XIRP1: variants seen among roughly 807,000 people sequenced by gnomAD.
The protein encoded by XIRP1 is xin actin binding repeat containing 1.
For synonymous variants in XIRP1, 984 were observed against 947.0 expected (o/e 1.04, Z -0.72); for missense variants, 2,378 against 2,345.4 (o/e 1.01, Z -0.29).
At position 39,187,493 on chromosome 3, in the gene XIRP1, G is replaced by T. The variant is rs202160993; in HGVS notation, c.1953C>A (p.Val651=). 6.2e-7 allele frequency: 1 copy of T among 1,613,998 alleles called. No individual in the cohort carries two copies. Among genetic ancestry groups the T allele is most frequent in the Admixed American group, 1.7e-5 (1 of 60,020 alleles). ...TGTCTGTCTGTCTTTCCCCAGCCGGGACCTGGCTAACCTGCAGGTGCTGCT... is the reference window on the plus strand; with the variant it reads ...TGTCTGTCTGTCTTTCCCCAGCCGGTACCTGGCTAACCTGCAGGTGCTGCT... ...SREQHLQVSQ[V]PAGERQTDRH... The change falls in exon 2 of 2, where the codon GTC becomes GTA. Residue 651 remains valine (V), a synonymous_variant. Coordinates refer to ENST00000340369, the MANE Select transcript of XIRP1 (RefSeq NM_194293.4).
At chr3:39,191,846 G>A (rs2125905204) in intron 1 of XIRP1, among the ~76,000 whole-genome samples, 1 of 152,290 alleles carries the variant, frequency 6.6e-6, no homozygotes, top group Admixed American at 6.5e-5. Flanking sequence ...ATCTGCCCTG[G>A]GGGCTTTCCC....
chr3:39,185,185 G>A lies in XIRP1; in HGVS notation c.4261C>T (p.Gln1421Ter), dbSNP rs1300523916. The A allele has an allele frequency of 6.2e-7, 1 of 1,612,836 alleles. No individual in the cohort carries two copies. Among genetic ancestry groups the A allele is most frequent in the Non-Finnish European group, 8.5e-7 (1 of 1,179,166 alleles). Residue 1421 changes from glutamine (Q) to a stop codon, truncating the protein, a stop_gained, in exon 2 of 2, where the codon CAG (glutamine) becomes TAG (stop). Coordinates refer to ENST00000340369, the MANE Select transcript of XIRP1 (RefSeq NM_194293.4). LOFTEE classifies it low-confidence loss of function (END_TRUNC). ...TTGAGCTTGGGGGGCTCAGAGCTCTGGGCATTGCTGCCTGTAGCCTGATTC... is the reference window on the plus strand; with the variant it reads ...TTGAGCTTGGGGGGCTCAGAGCTCTAGGCATTGCTGCCTGTAGCCTGATTC... Reference protein sequence around the residue: ...TKNQATGSNAQSSEPPKLNAL... With the variant: ...TKNQATGSNA
Position 39,187,022 on chromosome 3 carries a change from C to A in XIRP1, c.2424G>T (p.Ser808=), listed in dbSNP as rs188559708. The A allele has an allele frequency of 6.2e-7, 1 of 1,607,984 alleles. No individual in the cohort carries two copies. The highest frequency in any genetic ancestry group is 1.3e-5 in the African/African-American group (1 of 74,786). ...GELCLAKYVL[S]GTGQGHPYIR... ...TATAAGGGTGCCCCTGCCCTGTGCC[C>A]GAGAGCACATACTTGGCAAGACAGA... Residue 808 remains serine, a synonymous_variant, in exon 2 of 2, where the codon TCG becomes TCT. Coordinates refer to ENST00000340369, the MANE Select transcript of XIRP1 (RefSeq NM_194293.4).
Position 39,184,702 on chromosome 3 carries a change from T to A in XIRP1, c.4744A>T (p.Ser1582Cys). ...GHFQGPPKDH[S>C]AHKISVTVSS... Reference sequence around the variant, plus strand: ...ACTGTGACACTGATCTTGTGGGCACTGTGGTCTTTTGGAGGTCCCTGGAAA... The same window carrying A: ...ACTGTGACACTGATCTTGTGGGCACAGTGGTCTTTTGGAGGTCCCTGGAAA... Residue 1582 changes from serine to cysteine, a missense_variant, in exon 2 of 2, where the codon AGT (serine) becomes TGT (cysteine). By Grantham distance (112) the Ser-to-Cys change is moderately radical (BLOSUM62 -1). Transcript: ENST00000340369. The A allele has an allele frequency of 1.2e-6, 2 of 1,614,258 alleles. No homozygotes were observed. Among genetic ancestry groups the A allele is most frequent in the Non-Finnish European group, 1.7e-6 (2 of 1,180,040 alleles).
At position 39,185,977 on chromosome 3, in the gene XIRP1, C is replaced by T; in HGVS notation, c.3469G>A (p.Val1157Ile). Residue 1157 changes from valine to isoleucine, a missense_variant, in exon 2 of 2, where the codon GTC becomes ATC. Val to Ile is a conservative substitution (Grantham distance 29). Coordinates refer to ENST00000340369, the MANE Select transcript of XIRP1 (RefSeq NM_194293.4). ...PVRTFDPPGG[V>I]QLSQREPQSR... is the part of the protein sequence containing the mutation. ...TGGGGTTCCCTCTGAGAAAGCTGGA[C>T]ACCCCCAGGTGGGTCAAAGGTCCTC... The T allele has an allele frequency of 6.2e-7, 1 of 1,614,090 alleles. No individual in the cohort carries two copies. Among genetic ancestry groups the T allele is most frequent in the Non-Finnish European group, 8.5e-7 (1 of 1,179,978 alleles).
In XIRP1 at chr3:39,190,632, T is replaced by A. The variant is rs573180377; in HGVS notation, c.-80-1107A>T. Among the ~76,000 whole-genome samples, 8 of 151,582 alleles carry A rather than the reference T, an allele frequency of 5.3e-5. 1 individual carries two copies. In the South Asian group the frequency reaches 1.7e-3, roughly 32 times the overall value. ...GCCTCATGGCCACCCCAGCTCAGCC[T>A]CTCCCCGGCTACACCCCCGCCCCTC... On this transcript the variant is annotated intron_variant, in intron 1 of 1. Coordinates refer to ENST00000340369, the MANE Select transcript of XIRP1 (RefSeq NM_194293.4).
At position 39,185,119 on chromosome 3, in the gene XIRP1, CG is replaced by C; in HGVS notation, c.4326del (p.Gly1443AlafsTer33). 1 of 1,560,510 alleles carries C rather than the reference CG, an allele frequency of 6.4e-7. No individual in the cohort carries two copies. The highest frequency in any genetic ancestry group is 8.7e-7 in the Non-Finnish European group (1 of 1,155,332). On this transcript the variant is annotated frameshift_variant, in exon 2 of 2. Transcript: ENST00000340369. LOFTEE classifies it low-confidence loss of function (END_TRUNC). ...TCCATGGGCTGCTCTCCTGAGGGGC[CG>C]GGGCCCCACTGTGGTGAGGTGGGAT... ...NHDPTSPQWG[P>X]GPSGEQPMEG...
chr3:39,188,671 C>T lies in XIRP1; in HGVS notation c.775G>A (p.Glu259Lys). The change falls in exon 2 of 2, where the codon GAG becomes AAG. Residue 259 changes from glutamate to lysine, a missense_variant. Glu to Lys is a moderately conservative substitution (Grantham distance 56, BLOSUM62 1). Transcript: ENST00000340369. ...AIHEVKAACREEIQSNAVRSA... is the reference protein window; with the variant it reads ...AIHEVKAACRKEIQSNAVRSA... The stretch of plus-strand genomic sequence containing the variant: ...CTCACCGCGTTGCTTTGGATCTCCT[C>T]CCGGCATGCGGCCTTGACCTCATGG... 4 of 1,613,322 alleles carry T rather than the reference C, an allele frequency of 2.5e-6. No individual in the cohort carries two copies. Among genetic ancestry groups the T allele is most frequent in the Non-Finnish European group, 3.4e-6 (4 of 1,180,002 alleles).
chr3:39,185,590 G>C lies in XIRP1; in HGVS notation c.3856C>G (p.Pro1286Ala), dbSNP rs1467272693. 1 of 1,599,986 alleles carries C rather than the reference G, an allele frequency of 6.3e-7. No homozygotes were observed. Among genetic ancestry groups the C allele is most frequent in the Admixed American group, 1.7e-5 (1 of 58,610 alleles). Residue 1286 changes from proline (P) to alanine (A), a missense_variant, in exon 2 of 2, where the codon CCC becomes GCC. Coordinates refer to ENST00000340369, the MANE Select transcript of XIRP1 (RefSeq NM_194293.4). Reference protein sequence around the residue: ...AEDSIQQASEPLKDPLLHSHS... With the variant: ...AEDSIQQASEALKDPLLHSHS... ...GAGTGAAGAAGGGGGTCCTTCAGGG[G>C]CTCAGAGGCTTGCTGGATGGAGTCC... is the stretch of plus-strand genomic sequence containing the variant.
In XIRP1 at chr3:39,188,235, C is replaced by A. The variant is rs149781655; in HGVS notation, c.1211G>T (p.Arg404Leu). 1.2e-6 allele frequency: 2 copies of A among 1,614,204 alleles called. No homozygotes were observed. The highest frequency in any genetic ancestry group is 1.7e-5 in the Admixed American group (1 of 60,034). ...CCCCTCACCGTCCTGGGGATCCACT[C>A]GCTGTAGGTGACCCACTTGGACCTT... ...RDKVQVGHLQ[R>L]VDPQDGEGHL... Residue 404 changes from arginine (R) to leucine (L), a missense_variant, in exon 2 of 2, where the codon CGA (arginine) becomes CTA (leucine). Coordinates refer to ENST00000340369, the MANE Select transcript of XIRP1 (RefSeq NM_194293.4).
rs1470092478 is a variant in XIRP1, at chr3:39,183,848, C to T, written c.*66G>A. 4 of 1,539,686 alleles carry T rather than the reference C, an allele frequency of 2.6e-6. No individual in the cohort carries two copies. The highest frequency in any genetic ancestry group is 2.4e-4 in the Middle Eastern group (1 of 4,202). On this transcript the variant is annotated 3_prime_UTR_variant, in exon 2 of 2. Coordinates refer to ENST00000340369, the MANE Select transcript of XIRP1 (RefSeq NM_194293.4). ...TGCTCCAGTGTACAGGAGGCAGGTA[C>T]CCACTTCAGTCCTGGGGCAGTGGAG...
Position 39,188,139 on chromosome 3 carries a change from C to G in XIRP1, c.1307G>C (p.Gly436Ala). ...QSAPQRDELK[G>A]DVKTFKNLFE... is the part of the protein sequence containing the mutation. Reference sequence around the variant, plus strand: ...AAGGTTCTTAAAAGTCTTCACATCCCCCTTTAGCTCATCCCTCTGGGGGGC... The same window carrying G: ...AAGGTTCTTAAAAGTCTTCACATCCGCCTTTAGCTCATCCCTCTGGGGGGC... Residue 436 changes from glycine (G) to alanine (A), a missense_variant, in exon 2 of 2, where the codon GGG (glycine) becomes GCG (alanine). By Grantham distance (60) the Gly-to-Ala change is moderately conservative. Transcript: ENST00000340369. 2 of 1,614,176 alleles carry G rather than the reference C, an allele frequency of 1.2e-6. No individual in the cohort carries two copies. The highest frequency in any genetic ancestry group is 1.7e-6 in the Non-Finnish European group (2 of 1,180,038).
In XIRP1 at chr3:39,187,175, G is replaced by A; in HGVS notation, c.2271C>T (p.Ser757=). Residue 757 remains serine (S), a synonymous_variant, in exon 2 of 2, where the codon AGC becomes AGT. Coordinates refer to ENST00000340369, the MANE Select transcript of XIRP1 (RefSeq NM_194293.4). ...GGNLLEEQPM[S]PSGNRMQESQ... Reference sequence around the variant, plus strand: ...TCTCTTGCATCCTGTTGCCTGAGGGGCTCATGGGCTGCTCTTCCAGGAGGT... The same window carrying A: ...TCTCTTGCATCCTGTTGCCTGAGGGACTCATGGGCTGCTCTTCCAGGAGGT... The A allele has an allele frequency of 1.2e-6, 2 of 1,603,652 alleles. No individual in the cohort carries two copies. The highest frequency in any genetic ancestry group is 1.1e-5 in the South Asian group (1 of 90,670).
In XIRP1 at chr3:39,183,660, A is replaced by G. The variant is rs1395247218; in HGVS notation, c.*254T>C. 7 of 563,048 alleles carry G rather than the reference A, an allele frequency of 1.2e-5. No individual in the cohort carries two copies. The highest frequency in any genetic ancestry group is 1.8e-5 in the Non-Finnish European group (6 of 327,496). 34.9% of individuals were successfully genotyped at this position (563,048 alleles called of 1,614,324 possible). On this transcript the variant is annotated 3_prime_UTR_variant, in exon 2 of 2. Coordinates refer to ENST00000340369, the MANE Select transcript of XIRP1 (RefSeq NM_194293.4). Reference sequence around the variant, plus strand: ...TGTGTCTGTATATATTACATCCTCCACAAGCAGCTGGGAGCCCCCATCCTA... The same window carrying G: ...TGTGTCTGTATATATTACATCCTCCGCAAGCAGCTGGGAGCCCCCATCCTA...
In XIRP1 at chr3:39,185,705, C is replaced by G; in HGVS notation, c.3741G>C (p.Pro1247=). The G allele has an allele frequency of 1.9e-6, 3 of 1,610,854 alleles. No homozygotes were observed. The highest frequency in any genetic ancestry group is 2.5e-6 in the Non-Finnish European group (3 of 1,178,370). ...ASGPQAAGAS[P]HPHNAFVPPP... ...GAGGAACAAAGGCATTATGGGGGTGCGGGCTGGCACCTGCAGCTTGGGGCC... is the reference window on the plus strand; with the variant it reads ...GAGGAACAAAGGCATTATGGGGGTGGGGGCTGGCACCTGCAGCTTGGGGCC... The change falls in exon 2 of 2, where the codon CCG becomes CCC. Residue 1247 remains proline (P), a synonymous_variant. Transcript: ENST00000340369.
chr3:39,187,765 T>G lies in XIRP1; in HGVS notation c.1681A>C (p.Met561Leu), dbSNP rs778830706. The change falls in exon 2 of 2, where the codon ATG becomes CTG. Residue 561 changes from methionine (M) to leucine (L), a missense_variant. Coordinates refer to ENST00000340369, the MANE Select transcript of XIRP1 (RefSeq NM_194293.4). ...TCCTGCTGCTCCCGTTGGTGGATCA[T>G]CTCCAGGGGCTGGGTCTCAAAAAGC... ...RWLFETQPLE[M>L]IHQREQQERQ... is the part of the protein sequence containing the mutation. The G allele has an allele frequency of 6.2e-7, 1 of 1,613,902 alleles. No individual in the cohort carries two copies. The highest frequency in any genetic ancestry group is 2.2e-5 in the East Asian group (1 of 44,884).
In XIRP1 at chr3:39,187,681, C is replaced by T. The variant is rs201904173; in HGVS notation, c.1765G>A (p.Gly589Ser). 2.3e-4 allele frequency: 378 copies of T among 1,614,082 alleles called. 1 individual carries two copies. In the Middle Eastern group the frequency reaches 5.9e-3, roughly 25 times the overall value. ...GDPQPEAPPK[G>S]DVQTIRWLFE... ...AACCACCGGATGGTCTGCACATCGC[C>T]CTTTGGGGGTGCCTCAGGCTGGGGG... is the stretch of plus-strand genomic sequence containing the variant. The change falls in exon 2 of 2, where the codon GGC becomes AGC. Residue 589 changes from glycine to serine, a missense_variant. By Grantham distance (56) the Gly-to-Ser change is moderately conservative. Coordinates refer to ENST00000340369, the MANE Select transcript of XIRP1 (RefSeq NM_194293.4).
Position 39,187,555 on chromosome 3 carries a change from T to C in XIRP1, c.1891A>G (p.Lys631Glu). 1 of 1,614,080 alleles carries C rather than the reference T, an allele frequency of 6.2e-7. No individual in the cohort carries two copies. The highest frequency in any genetic ancestry group is 8.5e-7 in the Non-Finnish European group (1 of 1,180,024). ...ACTGGCCTGTCCACAGGTTGGGGCT[T>C]GAACATCCAGGTGCAGGACTGTGCC... is the stretch of plus-strand genomic sequence containing the variant. Reference protein sequence around the residue: ...AEAQSCTWMFKPQPVDRPVGS... With the variant: ...AEAQSCTWMFEPQPVDRPVGS... Residue 631 changes from lysine (K) to glutamate (E), a missense_variant, in exon 2 of 2, where the codon AAG (lysine) becomes GAG (glutamate). By Grantham distance (56) the Lys-to-Glu change is moderately conservative. Transcript: ENST00000340369.
In XIRP1 at chr3:39,187,937, C is replaced by A. The variant is rs1459870404; in HGVS notation, c.1509G>T (p.Gln503His). 4.3e-6 allele frequency: 7 copies of A among 1,614,230 alleles called. 1 individual carries two copies. In the Middle Eastern group the frequency reaches 9.9e-4, roughly 228 times the overall value. The change falls in exon 2 of 2, where the codon CAG becomes CAT. Residue 503 changes from glutamine (Q) to histidine (H), a missense_variant. Physicochemically the swap from Gln to His is conservative, Grantham distance 24. Coordinates refer to ENST00000340369, the MANE Select transcript of XIRP1 (RefSeq NM_194293.4). The part of the protein sequence containing the change: ...LHALTSVSRE[Q>H]IVGGDVQGYR... ...AGCCCTGCACATCACCTCCGACTATCTGCTCTCTGCTAACAGAGGTCAGGG... is the reference window on the plus strand; with the variant it reads ...AGCCCTGCACATCACCTCCGACTATATGCTCTCTGCTAACAGAGGTCAGGG...
Sources: allele counts gnomAD v4.1 joint callset (sites outside exome capture counted in the v4.1 genomes callset), GRCh38; gene constraint gnomAD v4.1.1; transcripts MANE v1.5; gene names NCBI Gene and HGNC (gene_info 2026-07-23, HGNC 2026-07-21).